The following ADAM18 variants were observed in gnomAD, a reference collection of about 807,000 sequenced individuals.
ADAM18 encodes the protein ADAM metallopeptidase domain 18.
Under a neutral mutation model 94.4 loss-of-function variants are expected in ADAM18, and 117 were observed. That is an observed-to-expected ratio of 1.24 (90% CI 1.07 to 1.45). The LOEUF is 1.45. ADAM18 is among the 40% of genes most tolerant of loss of function. The probability of loss-of-function intolerance (pLI) is 0.00; values close to 1 mark genes in which losing one functional copy is unlikely to be tolerated. For synonymous variants in ADAM18, 327 were observed against 291.6 expected, an observed-to-expected ratio of 1.12 and a Z score of -1.24; for missense variants, 936 against 880.0, an observed-to-expected ratio of 1.06 and a Z score of -0.81.
Position 39,730,021 on chromosome 8 carries a change from TG to T in ADAM18, c.*82del. The stretch of plus-strand genomic sequence containing the variant: ...TAACCTTACGTTATCCCCAATGCAT[TG>T]TAAATGTCAAACTTTTGGAAAATAA... On this transcript the variant is annotated 3_prime_UTR_variant, in exon 20 of 20. Coordinates refer to ENST00000265707, the MANE Select transcript of ADAM18 (RefSeq NM_014237.3). The T allele has an allele frequency of 7.1e-7, 1 of 1,406,000 alleles. No homozygotes were observed. Among genetic ancestry groups the T allele is most frequent in the East Asian group, 2.3e-5 (1 of 43,694 alleles). The allele number at this position is 1,406,000 out of a possible 1,614,324, so 87.1% of individuals were successfully genotyped here. A position where few individuals can be genotyped will look rare whatever the true frequency, so the allele number is the denominator to read the frequency against.
intron 3 of ADAM18, among the ~76,000 whole-genome samples, chr8:39,607,551 T>G (rs1042855824): frequency 6.6e-6 from 1 of 152,158 alleles, no homozygotes; most frequent in Non-Finnish European, 1.5e-5. Flanking sequence ...TTTTGAATGC[T>G]CTGTTTGTGT....
chr8:39,680,314 T>G, intron 16 of ADAM18, 88 bp downstream of exon 16: 2 of 1,212,248 alleles, frequency 1.6e-6, no homozygotes, highest in Non-Finnish European at 2.3e-6. Flanking sequence ...CACAATTATA[T>G]TGAATGGATT....
Position 39,692,662 on chromosome 8 carries a change from A to C in ADAM18, c.1884A>C (p.Thr628=), listed in dbSNP as rs764910788. Residue 628 remains threonine (T), a synonymous_variant, in exon 17 of 20, where the codon ACA becomes ACC. Transcript: ENST00000265707. ...HLMGYNCNAT[T]KCKGKGICNN... is the part of the protein sequence containing the mutation. ...TGGGATATAACTGTAATGCCACCAC[A>C]AAATGCAAAGGGAAAGGGGTAAGTC... The C allele has an allele frequency of 3.7e-6, 6 of 1,603,972 alleles. No individual in the cohort carries two copies. Among genetic ancestry groups the C allele is most frequent in the Non-Finnish European group, 5.1e-6 (6 of 1,174,202 alleles).
chr8:39,702,474 T>C (rs1368824566), intron 17 of ADAM18, among the ~76,000 whole-genome samples: 1 of 152,132 alleles, frequency 6.6e-6, no homozygotes, highest in African/African-American at 2.4e-5. Context: ...TTTTGCTGTA[T>C]GGAAGCTCTT....
At chr8:39,586,755 ACTAT>A (rs35604090) in intron 2 of ADAM18, among the ~76,000 whole-genome samples, 32,530 of 147,252 alleles carry the variant, frequency 0.22, 4,095 homozygotes, top group East Asian at 0.36. Flanking sequence ...CAAACAAAAA[ACTAT>A]CTATCTATCT....
At chr8:39,717,439 C>G (rs531095772) in intron 18 of ADAM18, among the ~76,000 whole-genome samples, 1 of 151,788 alleles carries the variant, frequency 6.6e-6, no homozygotes, top group East Asian at 1.9e-4. Flanking sequence ...AATTTTTTAT[C>G]CTGACATTTT....
chr8:39,643,540 A>G (rs1298875488), intron 10 of ADAM18, among the ~76,000 whole-genome samples: 2 of 152,102 alleles, frequency 1.3e-5, no homozygotes, highest in Non-Finnish European at 2.9e-5. Context: ...AATACCGCAA[A>G]CTGAGCACTT....
intron 6 of ADAM18, 24 bp from the exon 7 acceptor site, chr8:39,629,350 A>C: frequency 6.6e-7 from 1 of 1,519,482 alleles, no homozygotes; most frequent in Non-Finnish European, 9.0e-7. Flanking sequence ...ACATTTTATA[A>C]ATCCCGTTGT....
chr8:39,596,196 C>T (rs927999989), intron 2 of ADAM18, among the ~76,000 whole-genome samples: 1 of 152,286 alleles, frequency 6.6e-6, no homozygotes, highest in East Asian at 1.9e-4. Flanking sequence ...ATTGACACAT[C>T]ATCACTCAAA....
chr8:39,615,116 A>G (rs1585900423), intron 6 of ADAM18, among the ~76,000 whole-genome samples: 1 of 152,080 alleles, frequency 6.6e-6, no homozygotes, highest in African/African-American at 2.4e-5. Context: ...CCTAACATAC[A>G]TCTACAAAAC....
intron 18 of ADAM18, among the ~76,000 whole-genome samples, chr8:39,714,711 A>G (rs927327198): frequency 5.9e-5 from 9 of 152,150 alleles, no homozygotes; most frequent in Admixed American, 1.3e-4. Flanking sequence ...TGACACATCA[A>G]CATGTAGAAA....
intron 6 of ADAM18, among the ~76,000 whole-genome samples, chr8:39,618,480 A>G (rs1342077549): frequency 6.6e-6 from 1 of 151,936 alleles, no homozygotes; most frequent in Non-Finnish European, 1.5e-5. Context: ...TGCATCAGTA[A>G]TTTCTAACAG....
chr8:39,651,553 C>A (rs771593503), intron 12 of ADAM18, among the ~76,000 whole-genome samples: 53 of 152,166 alleles, frequency 3.5e-4, no homozygotes, highest in Non-Finnish European at 5.9e-4. Context: ...ATTTGTTTAA[C>A]AAAGCACATC....
intron 17 of ADAM18, among the ~76,000 whole-genome samples, chr8:39,704,295 G>A (rs2129581240): frequency 6.6e-6 from 1 of 152,130 alleles, no homozygotes; most frequent in East Asian, 1.9e-4. Context: ...GAACATCGAT[G>A]CAAAAATCCT....
intron 5 of ADAM18, 56 bp from the exon 6 acceptor site, chr8:39,610,473 A>G (rs768452253): frequency 2.0e-6 from 3 of 1,497,784 alleles, no homozygotes; most frequent in Non-Finnish European, 2.7e-6. Flanking sequence ...TATCATTTTG[A>G]AGGGATCATT....
chr8:39,680,437 A>T (rs992661324), intron 16 of ADAM18, among the ~76,000 whole-genome samples: 2 of 152,172 alleles, frequency 1.3e-5, no homozygotes, highest in Non-Finnish European at 2.9e-5. Flanking sequence ...TCCTTATGTT[A>T]AAAAAAGTAC....
At chr8:39,677,566 G>GT in intron 15 of ADAM18, 30 bp downstream of exon 15, 1 of 1,495,208 alleles carries the variant, frequency 6.7e-7, no homozygotes, top group Non-Finnish European at 9.1e-7. Context: ...TTGCTTCTTT[G>GT]AATCATAAAA....
intron 17 of ADAM18, among the ~76,000 whole-genome samples, chr8:39,700,146 TATGGCATTACTTGGAAA>T (rs1344321079): frequency 6.6e-6 from 1 of 152,188 alleles, no homozygotes; most frequent in Non-Finnish European, 1.5e-5. Flanking sequence ...AAATTAAAGT[TATGGCATTACTTGGAAA>T]ATGGCATTAA....
intron 17 of ADAM18, among the ~76,000 whole-genome samples, chr8:39,704,695 T>G (rs1193726994): frequency 6.6e-6 from 1 of 152,254 alleles, no homozygotes; most frequent in Non-Finnish European, 1.5e-5. Flanking sequence ...TATTTCTCCT[T>G]GCACATGCAG....
Sources: gnomAD v4.1 joint callset for allele counts (sites outside exome capture counted in the v4.1 genomes callset) on GRCh38, gnomAD v4.1.1 for gene constraint, MANE v1.5 for transcripts, NCBI Gene and HGNC (gene_info 2026-07-23, HGNC 2026-07-21) for gene names.